ARID1A: variants seen among roughly 807,000 people sequenced by gnomAD.
The protein encoded by ARID1A is AT-rich interaction domain 1A, also known as AT-rich interactive domain-containing protein 1A.
A neutral mutation model predicts 212.6 loss-of-function variants in ARID1A; 20 were observed. The ratio of observed to expected loss-of-function variants is 0.09; its 90% CI spans 0.07 to 0.14. ARID1A has a LOEUF of 0.14. Among genes scored for constraint, ARID1A ranks in the 10% least tolerant of loss-of-function variants. The pLI is 1.00. For synonymous variants in ARID1A, 1,376 were observed against 1,222.1 expected, an observed-to-expected ratio of 1.13 and a Z score of -2.63; for missense variants, 2,587 against 3,059.0, an observed-to-expected ratio of 0.85 and a Z score of 3.64.
At position 26,767,759 on chromosome 1, in the gene ARID1A, A is replaced by G. The variant is rs745754362; in HGVS notation, c.2989-31A>G. Reference sequence around the variant, plus strand: ...TTAGCACAGGCTTTGAATCTGACCCATTCCTATGAATTTTGACCTGAACCT... The same window carrying G: ...TTAGCACAGGCTTTGAATCTGACCCGTTCCTATGAATTTTGACCTGAACCT... On this transcript the variant is annotated intron_variant, in intron 10 of 19. Transcript: ENST00000324856. 5 of 1,569,574 alleles carry G rather than the reference A, an allele frequency of 3.2e-6. No homozygotes were observed. The African/African-American group carries it at 6.8e-5, about 21-fold the overall frequency.
In ARID1A at chr1:26,696,070, G is replaced by T; in HGVS notation, c.-334G>T. On this transcript the variant is annotated 5_prime_UTR_variant, in exon 1 of 20. Coordinates refer to ENST00000324856, the MANE Select transcript of ARID1A (RefSeq NM_006015.6). ...TCACAGCGGGGCCAGGCCCTGGGGA[G>T]CGGAGCCTCCACCGCCCCCCTCATT... 1 of 562,212 alleles carries T rather than the reference G, an allele frequency of 1.8e-6. No homozygotes were observed. Among genetic ancestry groups the T allele is most frequent in the Non-Finnish European group, 2.3e-6 (1 of 428,666 alleles). The allele number at this position is 562,212 out of a possible 1,614,324, so 34.8% of individuals were successfully genotyped here.
At chr1:26,762,464 G>A (rs952983972) in intron 7 of ARID1A, 145 bp downstream of exon 7, 3 of 875,796 alleles carry the variant, frequency 3.4e-6, no homozygotes, top group Non-Finnish European at 4.9e-6. Flanking sequence ...CTGAAGTAGG[G>A]CAAGGCAAGA....
rs1321374947 is a variant in ARID1A, at chr1:26,776,585, T to C, written c.5124+878T>C. On this transcript the variant is annotated intron_variant, in intron 19 of 19. Transcript: ENST00000324856. ...ACCGCGCCCGGCCCTACAATATTCTTACAAAGCTGATTCTTCAGACCCACC... is the reference window on the plus strand; with the variant it reads ...ACCGCGCCCGGCCCTACAATATTCTCACAAAGCTGATTCTTCAGACCCACC... Among the ~76,000 whole-genome samples the C allele has an allele frequency of 2.7e-5, 4 of 150,228 alleles. No individual in the cohort carries two copies. In the East Asian group the frequency reaches 7.8e-4, roughly 29 times the overall value.
At chr1:26,757,313 A>G (rs1282748041) in intron 4 of ARID1A, among the ~76,000 whole-genome samples, 1 of 146,634 alleles carries the variant, frequency 6.8e-6, no homozygotes, top group Non-Finnish European at 1.5e-5. Context: ...TAAAAATACA[A>G]AAAAAAATTA....
intron 4 of ARID1A, among the ~76,000 whole-genome samples, chr1:26,749,695 C>G (rs921461756): frequency 2.0e-5 from 3 of 152,214 alleles, no homozygotes; most frequent in African/African-American, 7.2e-5. Context: ...TGAAATTTCT[C>G]CAGTGACACA....
chr1:26,698,715 C>T (rs1398737843), intron 1 of ARID1A, among the ~76,000 whole-genome samples: 3 of 152,282 alleles, frequency 2.0e-5, no homozygotes, highest in South Asian at 2.1e-4. Flanking sequence ...TCTTTGATGG[C>T]TCTGAAGATG....
chr1:26,772,762 T>C (rs1464294243), intron 13 of ARID1A, 50 bp from the exon 14 acceptor site: 2 of 1,606,976 alleles, frequency 1.2e-6, no homozygotes, highest in Admixed American at 1.7e-5. Context: ...CTTTGTTATA[T>C]TGGAGGAATT....
intron 19 of ARID1A, 129 bp from the exon 20 acceptor site, chr1:26,778,894 C>T (rs2081162682): frequency 1.1e-6 from 1 of 896,570 alleles, no homozygotes. Flanking sequence ...CTGTGGAGAA[C>T]CTTTGGGAAA....
Position 26,774,008 on chromosome 1 carries a change from A to T in ARID1A, c.4101+110A>T, listed in dbSNP as rs1054176127. On this transcript the variant is annotated intron_variant, in intron 17 of 19. Coordinates refer to ENST00000324856, the MANE Select transcript of ARID1A (RefSeq NM_006015.6). The surrounding 1 kb of genome is among the most constrained non-coding windows in gnomAD (Gnocchi z 5.6). ...AGAAGCTCACTTTAGATATTTTGGC[A>T]TTCTTCTCTCACCTGACTGGCCAGT... is the stretch of plus-strand genomic sequence containing the variant. The T allele has an allele frequency of 7.1e-7, 1 of 1,400,270 alleles. No individual in the cohort carries two copies. The highest frequency in any genetic ancestry group is 1.4e-5 in the African/African-American group (1 of 70,226). The allele number at this position is 1,400,270 out of a possible 1,614,324, so 86.7% of individuals were successfully genotyped here.
intron 1 of ARID1A, among the ~76,000 whole-genome samples, chr1:26,708,503 C>G (rs2080417670): frequency 4.6e-5 from 7 of 150,980 alleles, no homozygotes; most frequent in Admixed American, 6.6e-5. Flanking sequence ...TCAGGCTGGT[C>G]CTGAACTCCT....
chr1:26,703,455 G>T (rs184567371), intron 1 of ARID1A, among the ~76,000 whole-genome samples: 1 of 152,272 alleles, frequency 6.6e-6, no homozygotes, highest in East Asian at 1.9e-4. Flanking sequence ...TTCTTTATAA[G>T]AAGTGTTTTT....
Position 26,780,975 on chromosome 1 carries a change from C to G in ARID1A, c.*219C>G. 1.7e-6 allele frequency: 1 copy of G among 593,350 alleles called. No homozygotes were observed. Among genetic ancestry groups the G allele is most frequent in the South Asian group, 2.9e-5 (1 of 34,358 alleles). 36.8% of individuals were successfully genotyped at this position (593,350 alleles called of 1,614,324 possible). On this transcript the variant is annotated 3_prime_UTR_variant, in exon 20 of 20. Coordinates refer to ENST00000324856, the MANE Select transcript of ARID1A (RefSeq NM_006015.6). This position sits in a 1 kb window ranked among gnomAD's most constrained non-coding sequence, Gnocchi z 7.2. ...CTTTCTGTTCCTTGTCCTCACCTTACTCCCCTCAGGACCCTACCCCACCCT... is the reference window on the plus strand; with the variant it reads ...CTTTCTGTTCCTTGTCCTCACCTTAGTCCCCTCAGGACCCTACCCCACCCT...
rs1446749848 is a variant in ARID1A, at chr1:26,763,001, T to C, written c.2448T>C (p.Asn816=). ...QGGYPRQPNY[N]ALPNANYPSA... ...GCTACCCCAGGCAGCCAAACTATAA[T>C]GCCTTGCCCAATGCCAACTACCCCA... The change falls in exon 8 of 20, where the codon AAT becomes AAC. Residue 816 remains asparagine, a synonymous_variant. Transcript: ENST00000324856. The C allele has an allele frequency of 6.2e-7, 1 of 1,601,438 alleles. No individual in the cohort carries two copies. The highest frequency in any genetic ancestry group is 8.5e-7 in the Non-Finnish European group (1 of 1,169,656).
At chr1:26,734,254 G>C (rs1231938823) in intron 4 of ARID1A, among the ~76,000 whole-genome samples, 1 of 152,058 alleles carries the variant, frequency 6.6e-6, no homozygotes, top group African/African-American at 2.4e-5. Flanking sequence ...AACCCAAATC[G>C]GTGGATTTCT....
intron 14 of ARID1A, 133 bp from the exon 15 acceptor site, chr1:26,773,210 CTTT>C (rs899360497): frequency 1.8e-5 from 25 of 1,358,074 alleles, no homozygotes; most frequent in Admixed American, 1.0e-4. Context: ...GTTGGGGCCT[CTTT>C]AGATCTCTGT....
intron 14 of ARID1A, 84 bp from the exon 15 acceptor site, chr1:26,773,262 C>T (rs2124109474): frequency 6.7e-7 from 1 of 1,486,504 alleles, no homozygotes; most frequent in Non-Finnish European, 9.0e-7. Flanking sequence ...CAAACCTGAA[C>T]TCTGAAGAGG....
Position 26,749,168 on chromosome 1 carries a change from A to AAATAAT in ARID1A, c.1921-11675_1921-11670dup, listed in dbSNP as rs367683968. 5.3e-5 allele frequency among the ~76,000 whole-genome samples: 8 copies of AAATAAT among 152,020 alleles called. No individual in the cohort carries two copies. The South Asian group carries it at 1.0e-3, about 20-fold the overall frequency. ...TGACAGAGCGAGACTCCGTCTCAAA[A>AAATAAT]AATAATAATAATAATAATTCTCTGG... is the stretch of plus-strand genomic sequence containing the variant. On this transcript the variant is annotated intron_variant, in intron 4 of 19. Coordinates refer to ENST00000324856, the MANE Select transcript of ARID1A (RefSeq NM_006015.6).
Position 26,770,994 on chromosome 1 carries a change from T to G in ARID1A, c.3199-125T>G. ...ACTATCCACCAAGCAAGATTAACTT[T>G]TTCAATTACCTAAGAACTGTGGTTC... is the stretch of plus-strand genomic sequence containing the variant. On this transcript the variant is annotated intron_variant, in intron 11 of 19. Coordinates refer to ENST00000324856, the MANE Select transcript of ARID1A (RefSeq NM_006015.6). The G allele has an allele frequency of 5.9e-6, 5 of 850,362 alleles. No individual in the cohort carries two copies. In the South Asian group the frequency reaches 8.6e-5, roughly 15 times the overall value. The allele number at this position is 850,362 out of a possible 1,614,324, so 52.7% of individuals were successfully genotyped here.
chr1:26,732,643 A>G (rs759629222), intron 3 of ARID1A, 33 bp from the exon 4 acceptor site: 16 of 1,531,090 alleles, frequency 1.0e-5, no homozygotes, highest in Non-Finnish European at 1.4e-5. Flanking sequence ...TATCAATACC[A>G]GGCCATCACA....
Sources: allele counts gnomAD v4.1 joint callset (sites outside exome capture counted in the v4.1 genomes callset), GRCh38; gene constraint gnomAD v4.1.1; non-coding constraint Gnocchi (gnomAD v3.1); transcripts MANE v1.5; gene names NCBI Gene and HGNC (gene_info 2026-07-23, HGNC 2026-07-21).